Variants in TMEM63C observed in about 807,000 individuals in gnomAD.
The protein encoded by TMEM63C is transmembrane protein 63C.
Under a neutral mutation model 99.2 loss-of-function variants are expected in TMEM63C, and 32 were observed. The ratio of observed to expected loss-of-function variants is 0.32; its 90% CI spans 0.24 to 0.43. The LOEUF (loss-of-function observed/expected upper bound fraction) is 0.43, where lower values mean the gene tolerates loss of function less well. Among genes scored for constraint, TMEM63C ranks in the 20% least tolerant of loss-of-function variants. The pLI is 1.00. For synonymous variants in TMEM63C, 376 were observed against 397.9 expected (o/e 0.94, Z 0.66); for missense variants, 826 against 1,053.0 (o/e 0.78, Z 2.98).
chr14:77,218,923 G>A lies in TMEM63C; in HGVS notation c.110G>A (p.Gly37Asp). Residue 37 changes from glycine (G) to aspartate (D), a missense_variant, in exon 3 of 24, where the codon GGT (glycine) becomes GAT (aspartate). Transcript: ENST00000298351. ...NTVLQGQPFG[G>D]VPTVLCLNIA... ...GTCCTCCAGGGGCAGCCCTTTGGGGGTGTCCCCACCGTGCTGTGCCTCAAC... is the reference window on the plus strand; with the variant it reads ...GTCCTCCAGGGGCAGCCCTTTGGGGATGTCCCCACCGTGCTGTGCCTCAAC... 6.2e-7 allele frequency: 1 copy of A among 1,609,108 alleles called. No individual in the cohort carries two copies. Among genetic ancestry groups the A allele is most frequent in the Non-Finnish European group, 8.5e-7 (1 of 1,177,822 alleles).
intron 2 of TMEM63C, among the ~76,000 whole-genome samples, chr14:77,216,158 C>G (rs556442137): frequency 5.9e-4 from 90 of 152,142 alleles, no homozygotes; most frequent in Non-Finnish European, 1.1e-3. Flanking sequence ...AACCATGGCT[C>G]ATTCACAGTT....
At position 77,218,837 on chromosome 14, in the gene TMEM63C, G is replaced by A; in HGVS notation, c.24G>A (p.Leu8=). Residue 8 remains leucine, a synonymous_variant, in exon 3 of 24, where the codon CTG becomes CTA. Transcript: ENST00000298351. ...GGATGTCTGCCTCACCAGACGACCT[G>A]AGTACAGGGGGAAGGTTACAGAACA... MSASPDD[L]STGGRLQNMT... 1.2e-6 allele frequency: 2 copies of A among 1,613,598 alleles called. No individual in the cohort carries two copies. Among genetic ancestry groups the A allele is most frequent in the Non-Finnish European group, 1.7e-6 (2 of 1,179,756 alleles).
In TMEM63C at chr14:77,220,093, T is replaced by G; in HGVS notation, c.312+6T>G. On this transcript the variant is annotated splice_donor_region_variant and intron_variant, in intron 5 of 23. Transcript: ENST00000298351. Reference sequence around the variant, plus strand: ...AGATGGAACGCAGAGACAAGGTGAGTGCTGGGAGCGGTCTGGGCGGTGGGA... The same window carrying G: ...AGATGGAACGCAGAGACAAGGTGAGGGCTGGGAGCGGTCTGGGCGGTGGGA... 6.4e-7 allele frequency: 1 copy of G among 1,555,322 alleles called. No individual in the cohort carries two copies.
At chr14:77,238,905 G>A in intron 10 of TMEM63C, 138 bp downstream of exon 10, 1 of 663,674 alleles carries the variant, frequency 1.5e-6, no homozygotes, top group Non-Finnish European at 2.6e-6. Flanking sequence ...CTCAGCTCAG[G>A]ATCAGCTTTT....
chr14:77,212,183 T>C (rs1324358546), intron 1 of TMEM63C: 1 of 152,256 alleles, frequency 6.6e-6, no homozygotes, highest in Non-Finnish European at 1.5e-5. Flanking sequence ...CAAATGGATT[T>C]ATGTGAATTA....
chr14:77,248,896 C>T (rs767210327), intron 20 of TMEM63C, 24 bp downstream of exon 20: 1 of 1,580,634 alleles, frequency 6.3e-7, no homozygotes, highest in Non-Finnish European at 8.7e-7. Flanking sequence ...AAGGCATGCC[C>T]AAGGGCTGCA....
intron 1 of TMEM63C, among the ~76,000 whole-genome samples, chr14:77,205,574 C>T (rs1340980086): frequency 6.6e-6 from 1 of 152,228 alleles, no homozygotes; most frequent in Non-Finnish European, 1.5e-5. Context: ...CAGAGTTGAA[C>T]TGGGCCTTGC....
At chr14:77,208,321 C>T (rs771061942) in intron 1 of TMEM63C, among the ~76,000 whole-genome samples, 5 of 152,154 alleles carry the variant, frequency 3.3e-5, no homozygotes, top group Non-Finnish European at 5.9e-5. Context: ...GAGTTCACGT[C>T]CTTTCACCTG....
chr14:77,225,728 CT>C (rs1380148985), intron 6 of TMEM63C, among the ~76,000 whole-genome samples: 1 of 152,166 alleles, frequency 6.6e-6, no homozygotes, highest in Non-Finnish European at 1.5e-5. Flanking sequence ...TACTCGCGTG[CT>C]TATAGAAATG....
intron 1 of TMEM63C, among the ~76,000 whole-genome samples, chr14:77,194,557 T>TTCTTTTTCCTTCTTTCTG (rs1555346145): frequency 4.2e-5 from 5 of 118,570 alleles, no homozygotes. Flanking sequence ...TTCTTTCTCT[T>TTCTTTTTCCTTCTTTCTG]TCTTTCTTTC....
chr14:77,184,021 G>C (rs780695440), intron 1 of TMEM63C, among the ~76,000 whole-genome samples: 2 of 152,292 alleles, frequency 1.3e-5, no homozygotes, highest in South Asian at 2.1e-4. Context: ...TCTGCCCTCA[G>C]CATCTCTACC....
intron 18 of TMEM63C, 66 bp from the exon 19 acceptor site, chr14:77,248,281 C>G: frequency 2.1e-6 from 3 of 1,440,258 alleles, no homozygotes; most frequent in Non-Finnish European, 1.9e-6. Flanking sequence ...TCTCTCTCCT[C>G]CCTTTTAACA....
At chr14:77,256,137 A>C (rs1889457344) in intron 23 of TMEM63C, among the ~76,000 whole-genome samples, 1 of 152,162 alleles carries the variant, frequency 6.6e-6, no homozygotes, top group Non-Finnish European at 1.5e-5. Context: ...GGGAGTTCTG[A>C]ATGTGCTGCT....
intron 1 of TMEM63C, among the ~76,000 whole-genome samples, chr14:77,191,404 A>G (rs1888101903): frequency 6.6e-6 from 1 of 151,906 alleles, no homozygotes; most frequent in South Asian, 2.1e-4. Context: ...AATGTTCCGT[A>G]TGTGCTTGAG....
At chr14:77,238,989 T>C (rs74063856) in intron 10 of TMEM63C, among the ~76,000 whole-genome samples, 2,764 of 152,268 alleles carry the variant, frequency 0.018, 83 homozygotes, top group African/African-American at 0.063. Flanking sequence ...ATGGCTGTGA[T>C]ATGGGTGATG....
intron 1 of TMEM63C, chr14:77,212,383 T>G (rs1403558613): frequency 6.6e-6 from 1 of 152,238 alleles, no homozygotes; most frequent in Non-Finnish European, 1.5e-5. Context: ...CAGACAGCCT[T>G]TGTCCTATAC....
At chr14:77,215,430 A>G (rs1030577593) in intron 2 of TMEM63C, among the ~76,000 whole-genome samples, 3 of 151,544 alleles carry the variant, frequency 2.0e-5, no homozygotes, top group African/African-American at 7.3e-5. Context: ...GTGAAACCCC[A>G]TTTCTACTAA....
intron 1 of TMEM63C, among the ~76,000 whole-genome samples, chr14:77,209,698 G>A (rs913468032): frequency 6.6e-6 from 1 of 152,160 alleles, no homozygotes; most frequent in South Asian, 2.1e-4. Flanking sequence ...CTGGACTCAG[G>A]GGCTTTAAAT....
chr14:77,225,592 G>T, intron 6 of TMEM63C, 131 bp downstream of exon 6: 6 of 864,304 alleles, frequency 6.9e-6, no homozygotes, highest in Non-Finnish European at 1.1e-5. Context: ...CGCCACCTCG[G>T]CCCATTACCA....
Sources: allele counts gnomAD v4.1 joint callset (sites outside exome capture counted in the v4.1 genomes callset), GRCh38; gene constraint gnomAD v4.1.1; transcripts MANE v1.5; gene names NCBI Gene and HGNC (gene_info 2026-07-23, HGNC 2026-07-21).